Variants in GPC3 observed in about 807,000 individuals in gnomAD.
GPC3 encodes the protein glypican 3.
GPC3 carries 3 observed loss-of-function variants against 34.4 expected under a neutral mutation model. That is an observed-to-expected ratio of 0.09 (90% CI 0.04 to 0.23). The LOEUF (loss-of-function observed/expected upper bound fraction) is 0.23, where lower values mean the gene tolerates loss of function less well. GPC3 is among the 10% of genes least tolerant of loss of function. The pLI, the probability that GPC3 is intolerant of heterozygous loss-of-function variation, is 1.00. For missense variants in GPC3, 351 were observed against 445.6 expected (o/e 0.79, Z 1.91); for synonymous variants, 177 against 174.0 (o/e 1.02, Z -0.13).
chrX:133,952,494 G>A (rs967693338), intron 2 of GPC3, among the ~76,000 whole-genome samples: 1 of 112,158 alleles, frequency 8.9e-6, no homozygotes, highest in Non-Finnish European at 1.9e-5. Flanking sequence ...AAGGAGAAGT[G>A]TCATTTCCTA....
At position 133,569,129 on chromosome X, in the gene GPC3, C is replaced by G. The variant is rs144380106; in HGVS notation, c.1573+27311G>C. Among the ~76,000 whole-genome samples the G allele has an allele frequency of 1.1e-4, 12 of 111,774 alleles. No homozygotes were observed. The East Asian group carries it at 3.1e-3, about 29-fold the overall frequency. On this transcript the variant is annotated intron_variant, in intron 7 of 7. Transcript: ENST00000370818. Reference sequence around the variant, plus strand: ...GCTGCAGCGAACCATGATCACGCCACTGCACGCCAGCCTGGGGGACAAAGT... The same window carrying G: ...GCTGCAGCGAACCATGATCACGCCAGTGCACGCCAGCCTGGGGGACAAAGT...
In GPC3 at chrX:133,795,943, CTT is replaced by C. The variant is rs753300332; in HGVS notation, c.338-41769_338-41768del. ...GGCTATAAGAGCCATTTTCTTTTTC[CTT>C]TTTTTTTTTTTTTTTTTTGAGATGG... On this transcript the variant is annotated intron_variant, in intron 2 of 7. Coordinates refer to ENST00000370818, the MANE Select transcript of GPC3 (RefSeq NM_004484.4). Among the ~76,000 whole-genome samples the C allele has an allele frequency of 6.8e-3, 575 of 84,868 alleles. 3 individuals carry two copies. The highest frequency in any genetic ancestry group is 0.025 in the African/African-American group (539 of 21,898). The allele number at this position is 84,868 out of a possible 115,157, so 73.7% of individuals were successfully genotyped here.
chrX:133,805,921 C>G (rs1766005997), intron 2 of GPC3, among the ~76,000 whole-genome samples: 1 of 111,995 alleles, frequency 8.9e-6, no homozygotes, highest in South Asian at 3.7e-4. Context: ...GCCATTTTCA[C>G]TGATGAAAAA....
chrX:133,616,063 T>C (rs142554471), intron 6 of GPC3, among the ~76,000 whole-genome samples: 1,822 of 111,368 alleles, frequency 0.016, 32 homozygotes, highest in African/African-American at 0.056. Flanking sequence ...AGCCAGGCAA[T>C]TAGGCAATAA....
At chrX:133,881,863 T>G (rs2076043008) in intron 2 of GPC3, among the ~76,000 whole-genome samples, 1 of 112,614 alleles carries the variant, frequency 8.9e-6, no homozygotes. Flanking sequence ...TTCCCCAAGT[T>G]GCTAGCTGAG....
chrX:133,946,493 C>G (rs943701453), intron 2 of GPC3, among the ~76,000 whole-genome samples: 6 of 111,232 alleles, frequency 5.4e-5, no homozygotes, highest in Admixed American at 1.9e-4. Context: ...ATACAGTACA[C>G]TTTCAGAAAG....
chrX:133,791,451 A>G (rs776475124), intron 2 of GPC3, among the ~76,000 whole-genome samples: 1 of 111,766 alleles, frequency 8.9e-6, no homozygotes, highest in East Asian at 2.8e-4. Context: ...ACCATCATTC[A>G]TGTTTGTGTG....
chrX:133,696,452 G>A (rs750851154), intron 4 of GPC3, among the ~76,000 whole-genome samples: 3 of 112,141 alleles, frequency 2.7e-5, no homozygotes, highest in Non-Finnish European at 3.8e-5. Flanking sequence ...GGAATTAAGC[G>A]TATTTTAATC....
chrX:133,602,683 T>C (rs761690868), intron 6 of GPC3, among the ~76,000 whole-genome samples: 1 of 111,463 alleles, frequency 9.0e-6, no homozygotes, highest in South Asian at 3.8e-4. Context: ...GAAGAGAGGA[T>C]CTGAATGTCC....
intron 2 of GPC3, among the ~76,000 whole-genome samples, chrX:133,776,130 T>C (rs1393223267): frequency 2.7e-5 from 3 of 112,119 alleles, no homozygotes; most frequent in Middle Eastern, 4.6e-3. Context: ...GTTATTTTTA[T>C]AGTTTATCTA....
chrX:133,830,756 AG>A (rs2124543581), intron 2 of GPC3, among the ~76,000 whole-genome samples: 1 of 106,179 alleles, frequency 9.4e-6, no homozygotes, highest in African/African-American at 3.4e-5. Flanking sequence ...ACCTGGGGTT[AG>A]GCAAAGAGTG....
At chrX:133,787,967 A>T (rs2072118815) in intron 2 of GPC3, among the ~76,000 whole-genome samples, 1 of 107,632 alleles carries the variant, frequency 9.3e-6, no homozygotes, top group African/African-American at 3.4e-5. Flanking sequence ...GGCTTTCCTT[A>T]ACATTATTGC....
At chrX:133,847,158 G>A (rs1457942127) in intron 2 of GPC3, among the ~76,000 whole-genome samples, 1 of 111,617 alleles carries the variant, frequency 9.0e-6, no homozygotes, top group Non-Finnish European at 1.9e-5. Context: ...CTCATAAAAT[G>A]TTTCAAGACA....
chrX:133,958,003 C>T (rs923420812), intron 1 of GPC3, among the ~76,000 whole-genome samples: 26 of 111,283 alleles, frequency 2.3e-4, no homozygotes, highest in African/African-American at 8.5e-4. Flanking sequence ...TTCCCAGACG[C>T]TAAAAAAATT....
rs374770870 is a variant in GPC3 at position 133,897,435 on chromosome X, AT to A, written c.337+55614del. ...ACGTTTTTGCTTGCATCACAAACTG[AT>A]TTTTTTTTTTTTAGTTTAATCAAGT... On this transcript the variant is annotated intron_variant, in intron 2 of 7. Transcript: ENST00000370818. Among the ~76,000 whole-genome samples, 693 of 100,995 alleles carry A rather than the reference AT, an allele frequency of 6.9e-3. 4 individuals carry two copies. The highest frequency in any genetic ancestry group is 0.017 in the African/African-American group (482 of 28,021). The allele number at this position is 100,995 out of a possible 115,157, so 87.7% of individuals were successfully genotyped here.
intron 7 of GPC3, among the ~76,000 whole-genome samples, chrX:133,571,220 T>C (rs2069626398): frequency 8.9e-6 from 1 of 112,109 alleles, no homozygotes; most frequent in Admixed American, 9.4e-5. Flanking sequence ...AATGTATTTT[T>C]TGAGGCATGG....
intron 1 of GPC3, among the ~76,000 whole-genome samples, chrX:133,974,108 T>C (rs955949154): frequency 4.5e-5 from 5 of 112,265 alleles, no homozygotes; most frequent in East Asian, 2.8e-4. Flanking sequence ...TGGAGTGCAG[T>C]GCCGTGATCT....
intron 3 of GPC3, among the ~76,000 whole-genome samples, chrX:133,750,622 T>C (rs552834386): frequency 8.9e-6 from 1 of 112,354 alleles, no homozygotes; most frequent in South Asian, 3.7e-4. Flanking sequence ...TAAGAACTAT[T>C]TCTTGGGTAG....
intron 2 of GPC3, among the ~76,000 whole-genome samples, chrX:133,795,399 T>A (rs1409438801): frequency 8.9e-6 from 1 of 111,775 alleles, no homozygotes; most frequent in Non-Finnish European, 1.9e-5. Flanking sequence ...GGATTAGATA[T>A]TAAATAAATG....
Sources: gnomAD v4.1 joint callset for allele counts (sites outside exome capture counted in the v4.1 genomes callset) on GRCh38, gnomAD v4.1.1 for gene constraint, MANE v1.5 for transcripts, NCBI Gene and HGNC (gene_info 2026-07-23, HGNC 2026-07-21) for gene names.